RORB: variants seen among roughly 807,000 people sequenced by gnomAD.
RORB encodes nuclear receptor ROR-beta.
In RORB, 6 loss-of-function variants were observed where a neutral mutation model predicts 59.1. The ratio of observed to expected loss-of-function variants is 0.10; its 90% CI spans 0.06 to 0.20. RORB has a LOEUF of 0.20. Ranked by LOEUF, RORB falls within the 10% of genes least tolerant of loss-of-function variation. The pLI is 1.00. For synonymous variants in RORB, 215 were observed against 204.5 expected, an observed-to-expected ratio of 1.05 and a Z score of -0.44; for missense variants, 320 against 560.5, an observed-to-expected ratio of 0.57 and a Z score of 4.33.
chr9:74,665,716 T>C (rs548065475), intron 7 of RORB, 121 bp downstream of exon 7: 1 of 654,092 alleles, frequency 1.5e-6, no homozygotes, highest in South Asian at 2.0e-5. Context: ...CATTATTCGA[T>C]AAGCGATGGA....
In RORB at chr9:74,629,897, G is replaced by A. The variant is rs111806751; in HGVS notation, c.8-385G>A. Among the ~76,000 whole-genome samples, 21 of 152,328 alleles carry A rather than the reference G, an allele frequency of 1.4e-4. 1 individual carries two copies. The highest frequency in any genetic ancestry group is 1.2e-4 in the African/African-American group (5 of 41,582). On this transcript the variant is annotated intron_variant, in intron 1 of 9. Coordinates refer to ENST00000376896, the MANE Select transcript of RORB (RefSeq NM_006914.4). ...TTAAATATCACTGAGGTAAGGCCAT[G>A]TGAAAGATCTCAGTAACTTAATGTT...
intron 1 of RORB, among the ~76,000 whole-genome samples, chr9:74,626,979 T>A (rs1456722568): frequency 6.6e-6 from 1 of 152,062 alleles, no homozygotes; most frequent in Non-Finnish European, 1.5e-5. Context: ...CTGGCCAACA[T>A]GGTGAAACCC....
intron 1 of RORB, among the ~76,000 whole-genome samples, chr9:74,520,421 T>TA (rs1826068787): frequency 1.3e-5 from 2 of 151,918 alleles, no homozygotes; most frequent in Admixed American, 1.3e-4. Context: ...CTGCCCTACT[T>TA]ATGTTCTGCA....
chr9:74,565,492 T>A (rs992444423), intron 1 of RORB, among the ~76,000 whole-genome samples: 1 of 152,178 alleles, frequency 6.6e-6, no homozygotes, highest in Non-Finnish European at 1.5e-5. Context: ...AATATCAGCA[T>A]CAAAATTTTC....
At chr9:74,674,860 G>C (rs73650032) in intron 9 of RORB, among the ~76,000 whole-genome samples, 4,690 of 152,234 alleles carry the variant, frequency 0.031, 234 homozygotes, top group African/African-American at 0.11. Flanking sequence ...TGCTAGATGA[G>C]TGTCCCTGGA....
intron 7 of RORB, among the ~76,000 whole-genome samples, chr9:74,667,011 G>A (rs1030375144): frequency 2.0e-5 from 3 of 152,194 alleles, no homozygotes; most frequent in Non-Finnish European, 2.9e-5. Context: ...GTCCATCGGG[G>A]CTGGCAATGT....
At chr9:74,563,204 T>C (rs1423906471) in intron 1 of RORB, among the ~76,000 whole-genome samples, 2 of 150,434 alleles carry the variant, frequency 1.3e-5, no homozygotes, top group East Asian at 1.9e-4. Flanking sequence ...TTTTTTTTTT[T>C]TGATGGAGTC....
intron 1 of RORB, among the ~76,000 whole-genome samples, chr9:74,571,411 A>AC (rs544570461): frequency 2.7e-5 from 4 of 150,672 alleles, no homozygotes; most frequent in African/African-American, 1.0e-4. Flanking sequence ...TAAAAAAAAA[A>AC]AAAAAACACA....
rs939424857 is a variant in RORB, at chr9:74,691,280, C to G, written c.*5662C>G. ...TGAATGAGCCCTGTTCAGGGCAGCA[C>G]GGGGCATCTGCACCCCAGCTGGGCA... is the stretch of plus-strand genomic sequence containing the variant. On this transcript the variant is annotated 3_prime_UTR_variant, in exon 10 of 10. Transcript: ENST00000376896. The G allele has an allele frequency of 6.6e-6, 1 of 152,186 alleles. No homozygotes were observed. Among genetic ancestry groups the G allele is most frequent in the Admixed American group, 6.5e-5 (1 of 15,280 alleles). The allele number at this position is 152,186 out of a possible 1,614,324, so 9.4% of individuals were successfully genotyped here. A position where few individuals can be genotyped will look rare whatever the true frequency, so the allele number is the denominator to read the frequency against.
At chr9:74,592,094 G>C (rs1822906464) in intron 1 of RORB, among the ~76,000 whole-genome samples, 1 of 152,048 alleles carries the variant, frequency 6.6e-6, no homozygotes, top group Non-Finnish European at 1.5e-5. Flanking sequence ...TTCAGAAACT[G>C]ACCATAGCCA....
At chr9:74,498,704 A>G (rs1053321021) in intron 1 of RORB, 1 of 153,110 alleles carries the variant, frequency 6.5e-6, no homozygotes, top group Admixed American at 6.5e-5. Context: ...AGGCTTGGAA[A>G]GGCCACACTG....
intron 1 of RORB, among the ~76,000 whole-genome samples, chr9:74,618,119 TCA>T (rs1823342669): frequency 1.3e-5 from 2 of 152,084 alleles, no homozygotes; most frequent in South Asian, 4.2e-4. Context: ...GATAATCCAA[TCA>T]CACACAGACG....
At chr9:74,609,410 C>T (rs1306771487) in intron 1 of RORB, among the ~76,000 whole-genome samples, 1 of 152,098 alleles carries the variant, frequency 6.6e-6, no homozygotes, top group Non-Finnish European at 1.5e-5. Context: ...ATTCTCAACT[C>T]AAAGGATAAA....
chr9:74,680,822 G>A (rs1824536313), intron 9 of RORB, among the ~76,000 whole-genome samples: 1 of 152,026 alleles, frequency 6.6e-6, no homozygotes, highest in African/African-American at 2.4e-5. Flanking sequence ...AGGGCATCTT[G>A]ATGGCCTGGA....
chr9:74,505,381 AT>A (rs1356742884), intron 1 of RORB, among the ~76,000 whole-genome samples: 3 of 152,112 alleles, frequency 2.0e-5, no homozygotes, highest in Non-Finnish European at 4.4e-5. Context: ...TTCAGTTTTA[AT>A]TTTAAAAAGA....
At chr9:74,628,286 G>T (rs1478485330) in intron 1 of RORB, among the ~76,000 whole-genome samples, 1 of 152,124 alleles carries the variant, frequency 6.6e-6, no homozygotes, top group Non-Finnish European at 1.5e-5. Context: ...TATTTTAGAG[G>T]TGACTTTGTC....
chr9:74,576,623 A>C (rs192403738), intron 1 of RORB, among the ~76,000 whole-genome samples: 58 of 152,262 alleles, frequency 3.8e-4, no homozygotes, highest in Non-Finnish European at 7.1e-4. Flanking sequence ...AGTATCCATC[A>C]ATCTGTATAG....
chr9:74,566,563 G>A (rs1315945500), intron 1 of RORB, among the ~76,000 whole-genome samples: 2 of 152,100 alleles, frequency 1.3e-5, no homozygotes, highest in Non-Finnish European at 2.9e-5. Flanking sequence ...TTGGGAAGCC[G>A]AGGTGGGTGG....
chr9:74,600,519 T>C (rs1218131619), intron 1 of RORB, among the ~76,000 whole-genome samples: 1 of 152,180 alleles, frequency 6.6e-6, no homozygotes, highest in African/African-American at 2.4e-5. Flanking sequence ...GGATCACTGA[T>C]GGGCTGCACA....
Sources: gnomAD v4.1 joint callset for allele counts (sites outside exome capture counted in the v4.1 genomes callset) on GRCh38, gnomAD v4.1.1 for gene constraint, MANE v1.5 for transcripts, NCBI Gene and HGNC (gene_info 2026-07-23, HGNC 2026-07-21) for gene names.